Variants in MAP3K20 observed in about 807,000 individuals in gnomAD.
The protein encoded by MAP3K20 is HCCS-4.
A neutral mutation model predicts 85.7 loss-of-function variants in MAP3K20; 40 were observed. The observed-to-expected ratio is 0.47, with a 90% CI of 0.36 to 0.61. The LOEUF (loss-of-function observed/expected upper bound fraction) is 0.61, where lower values mean the gene tolerates loss of function less well. MAP3K20 is among the 20% of genes least tolerant of loss of function. The pLI is 0.00. For synonymous variants in MAP3K20, 325 were observed against 327.7 expected (o/e 0.99, Z 0.09); for missense variants, 817 against 961.7 (o/e 0.85, Z 1.99).
Position 173,120,005 on chromosome 2 carries a change from A to G in MAP3K20, c.159+28815A>G, listed in dbSNP as rs533958561. ...TACACAAGTATCTACACATATACAC[A>G]AAGAACAAGCAAAGCCCCCTCCCTC... On this transcript the variant is annotated intron_variant, in intron 2 of 19. Transcript: ENST00000375213. Among the ~76,000 whole-genome samples, 11 of 152,326 alleles carry G rather than the reference A, an allele frequency of 7.2e-5. No individual in the cohort carries two copies. In the South Asian group the frequency reaches 2.3e-3, roughly 32 times the overall value.
intron 10 of MAP3K20, chr2:173,214,262 CT>C (rs1473263017): frequency 6.6e-6 from 1 of 152,182 alleles, no homozygotes; most frequent in Non-Finnish European, 1.5e-5. Flanking sequence ...CAGCTTATTT[CT>C]CCTCCCATTG....
At chr2:173,125,801 T>A (rs1002912538) in intron 2 of MAP3K20, among the ~76,000 whole-genome samples, 1 of 152,162 alleles carries the variant, frequency 6.6e-6, no homozygotes, top group Non-Finnish European at 1.5e-5. Context: ...TAGCTGGGAC[T>A]AAAGATGCCT....
At chr2:173,223,455 T>G in intron 11 of MAP3K20, 1 of 985,392 alleles carries the variant, frequency 1.0e-6, no homozygotes, top group Non-Finnish European at 1.2e-6. Flanking sequence ...CTACTATGAA[T>G]GGTGCCAGTG....
At chr2:173,163,801 A>G (rs1225646494) in intron 2 of MAP3K20, among the ~76,000 whole-genome samples, 1 of 152,198 alleles carries the variant, frequency 6.6e-6, no homozygotes, top group African/African-American at 2.4e-5. Flanking sequence ...AGTATGGAAT[A>G]TAAGTAATAG....
chr2:173,096,843 T>C (rs1011603073), intron 2 of MAP3K20, among the ~76,000 whole-genome samples: 1 of 152,200 alleles, frequency 6.6e-6, no homozygotes, highest in Non-Finnish European at 1.5e-5. Flanking sequence ...GTGTTTGCAA[T>C]AGGAGAAAAT....
intron 3 of MAP3K20, among the ~76,000 whole-genome samples, chr2:173,178,797 T>C (rs1292784770): frequency 1.3e-5 from 2 of 152,142 alleles, no homozygotes; most frequent in Non-Finnish European, 2.9e-5. Flanking sequence ...CAATATTCTA[T>C]ATGAACAAGC....
At position 173,266,035 on chromosome 2, in the gene MAP3K20, C is replaced by A; in HGVS notation, c.1703-15C>A. On this transcript the variant is annotated splice_polypyrimidine_tract_variant and intron_variant, in intron 19 of 19. Transcript: ENST00000375213. ...AGTGTGGCTTAAAAGATGCTCATTTCCATTTCTCCCGCAGGTGCTGATTGC... is the reference window on the plus strand; with the variant it reads ...AGTGTGGCTTAAAAGATGCTCATTTACATTTCTCCCGCAGGTGCTGATTGC... 3.2e-6 allele frequency: 5 copies of A among 1,547,840 alleles called. No individual in the cohort carries two copies. The highest frequency in any genetic ancestry group is 4.4e-6 in the Non-Finnish European group (5 of 1,142,942).
intron 9 of MAP3K20, among the ~76,000 whole-genome samples, chr2:173,207,151 A>C (rs1174957163): frequency 6.6e-6 from 1 of 152,084 alleles, no homozygotes. Context: ...GAAAAAAAGG[A>C]AAGGTGGGTA....
At chr2:173,163,509 A>C (rs558546383) in intron 2 of MAP3K20, among the ~76,000 whole-genome samples, 66 of 152,114 alleles carry the variant, frequency 4.3e-4, no homozygotes, top group African/African-American at 1.5e-3. Flanking sequence ...TGTTACTGCA[A>C]ATGACACAAT....
chr2:173,077,378 C>CTAA (rs756462588), intron 1 of MAP3K20, among the ~76,000 whole-genome samples: 1 of 74,788 alleles, frequency 1.3e-5, no homozygotes. Flanking sequence ...TTTCAATTTT[C>CTAA]CAAAAAAAAA....
intron 3 of MAP3K20, among the ~76,000 whole-genome samples, chr2:173,178,001 A>G (rs1036972240): frequency 6.6e-6 from 1 of 152,150 alleles, no homozygotes; most frequent in Non-Finnish European, 1.5e-5. Context: ...AATAAAACAG[A>G]AAACAGAAAA....
intron 2 of MAP3K20, among the ~76,000 whole-genome samples, chr2:173,151,525 T>A (rs1689307223): frequency 6.6e-6 from 1 of 152,172 alleles, no homozygotes; most frequent in Non-Finnish European, 1.5e-5. Context: ...CATACTCAGA[T>A]CAACTACTAC....
chr2:173,129,103 A>G (rs896662561), intron 2 of MAP3K20, among the ~76,000 whole-genome samples: 3 of 151,296 alleles, frequency 2.0e-5, no homozygotes, highest in African/African-American at 7.3e-5. Context: ...TTATTTTTTT[A>G]TTTTTAGTAG....
At chr2:173,078,776 A>G (rs572639769) in intron 1 of MAP3K20, among the ~76,000 whole-genome samples, 68 of 152,346 alleles carry the variant, frequency 4.5e-4, no homozygotes, top group African/African-American at 1.6e-3. Context: ...TAATAAGAAA[A>G]TAGTTTAAAT....
In MAP3K20 at chr2:173,210,906, C is replaced by CCTTTGAAATATCTTAT; in HGVS notation, c.851+1074_851+1089dup. On this transcript the variant is annotated intron_variant, in intron 10 of 19. Coordinates refer to ENST00000375213, the MANE Select transcript of MAP3K20 (RefSeq NM_016653.3). ...TACAATAACCTTATTTATTTTTATTCCTTTGAAATATCTTATCTAGGGCTA... is the reference window on the plus strand; with the variant it reads ...TACAATAACCTTATTTATTTTTATTCCTTTGAAATATCTTATCTTTGAAATATCTTATCTAGGGCTA... 3.3e-5 allele frequency: 5 copies of CCTTTGAAATATCTTAT among 151,946 alleles called. 1 individual carries two copies. In the South Asian group the frequency reaches 1.0e-3, roughly 32 times the overall value. 9.4% of individuals were successfully genotyped at this position (151,946 alleles called of 1,614,324 possible). A position where few individuals can be genotyped will look rare whatever the true frequency, so the allele number is the denominator to read the frequency against.
intron 16 of MAP3K20, among the ~76,000 whole-genome samples, chr2:173,244,706 C>T (rs1178953886): frequency 6.6e-6 from 1 of 152,160 alleles, no homozygotes; most frequent in Admixed American, 6.5e-5. Context: ...CCAGCTATGC[C>T]AGCCTATGTC....
At chr2:173,226,508 T>C in intron 11 of MAP3K20, 1 of 985,772 alleles carries the variant, frequency 1.0e-6, no homozygotes, top group Non-Finnish European at 1.2e-6. Context: ...ATCTATTCTC[T>C]CCTCTCGATT....
chr2:173,246,763 A>G (rs1574154162), intron 16 of MAP3K20, among the ~76,000 whole-genome samples: 1 of 152,280 alleles, frequency 6.6e-6, no homozygotes, highest in East Asian at 1.9e-4. Flanking sequence ...CTGGGTTCCC[A>G]TGGGTCTAAA....
chr2:173,192,239 AGAG>A (rs2106276501), intron 7 of MAP3K20, among the ~76,000 whole-genome samples: 1 of 152,226 alleles, frequency 6.6e-6, no homozygotes, highest in East Asian at 1.9e-4. Flanking sequence ...CAATGACACA[AGAG>A]GAGATTCACG....
Sources: gnomAD v4.1 joint callset for allele counts (sites outside exome capture counted in the v4.1 genomes callset) on GRCh38, gnomAD v4.1.1 for gene constraint, MANE v1.5 for transcripts, NCBI Gene and HGNC (gene_info 2026-07-23, HGNC 2026-07-21) for gene names.